PARPBP: variants seen among roughly 807,000 people sequenced by gnomAD.
PARPBP encodes PCNA-interacting partner.
A neutral mutation model predicts 50.0 loss-of-function variants in PARPBP; 52 were observed. That is an observed-to-expected ratio of 1.04 (90% CI 0.83 to 1.31). The LOEUF (loss-of-function observed/expected upper bound fraction) is 1.31, where lower values mean the gene tolerates loss of function less well. PARPBP is among the 50% of genes most tolerant of loss of function. The pLI is 0.00. For missense variants in PARPBP, 697 were observed against 672.0 expected (o/e 1.04, Z -0.41); for synonymous variants, 244 against 232.1 (o/e 1.05, Z -0.47).
intron 4 of PARPBP, among the ~76,000 whole-genome samples, chr12:102,161,930 G>T (rs1405900060): frequency 6.6e-6 from 1 of 152,080 alleles, no homozygotes. Flanking sequence ...CTTTCTCATG[G>T]TTAATCTTTA....
At chr12:102,155,127 C>T (rs1886699249) in intron 4 of PARPBP, 1 of 206,176 alleles carries the variant, frequency 4.9e-6, no homozygotes, top group African/African-American at 2.3e-5. Context: ...CTCACATGTA[C>T]TGATTGATGT....
intron 4 of PARPBP, among the ~76,000 whole-genome samples, chr12:102,162,060 T>C (rs1306410628): frequency 6.6e-6 from 1 of 152,200 alleles, no homozygotes; most frequent in African/African-American, 2.4e-5. Flanking sequence ...TCCTACTTTT[T>C]AATAATTGTT....
chr12:102,192,951 G>C (rs767668301), intron 9 of PARPBP, among the ~76,000 whole-genome samples: 10 of 151,644 alleles, frequency 6.6e-5, no homozygotes, highest in Admixed American at 1.3e-4. Flanking sequence ...GGGGAGTTCT[G>C]TTGTGTTTAT....
At chr12:102,184,046 G>GAAA (rs71438459) in intron 9 of PARPBP, among the ~76,000 whole-genome samples, 2,740 of 59,826 alleles carry the variant, frequency 0.046, 145 homozygotes, top group African/African-American at 0.1. Flanking sequence ...GACTCTATCT[G>GAAA]AAAAAAAAAA....
intron 9 of PARPBP, among the ~76,000 whole-genome samples, chr12:102,190,993 A>G (rs1828182511): frequency 6.6e-6 from 1 of 152,118 alleles, no homozygotes; most frequent in African/African-American, 2.4e-5. Flanking sequence ...AGAATGAAAA[A>G]GGAATGTTTG....
At chr12:102,164,635 T>G in intron 5 of PARPBP, 27 bp downstream of exon 5, 4 of 1,593,898 alleles carry the variant, frequency 2.5e-6, no homozygotes, top group Non-Finnish European at 3.4e-6. Context: ...TGTTCAAAAT[T>G]AAGACTCCTT....
At chr12:102,187,815 G>C (rs550095299) in intron 9 of PARPBP, among the ~76,000 whole-genome samples, 2 of 152,124 alleles carry the variant, frequency 1.3e-5, no homozygotes, top group Non-Finnish European at 2.9e-5. Context: ...CGTCATGGTA[G>C]AACACCATTC....
intron 6 of PARPBP, among the ~76,000 whole-genome samples, chr12:102,173,033 T>C (rs573969783): frequency 6.6e-6 from 1 of 152,278 alleles, no homozygotes; most frequent in Non-Finnish European, 1.5e-5. Flanking sequence ...TAATTAATAA[T>C]GTTGGATAGC....
chr12:102,122,906 G>A (rs900989691), intron 1 of PARPBP, among the ~76,000 whole-genome samples: 1 of 152,156 alleles, frequency 6.6e-6, no homozygotes, highest in Non-Finnish European at 1.5e-5. Context: ...CTAAATATTA[G>A]TTATTTTATT....
intron 1 of PARPBP, 55 bp from the exon 2 acceptor site, chr12:102,123,831 G>A: frequency 8.0e-7 from 1 of 1,251,626 alleles, no homozygotes; most frequent in Non-Finnish European, 1.1e-6. Flanking sequence ...CATGTTAAAT[G>A]TTAATTTCAG....
At chr12:102,140,854 G>A (rs1884475632) in intron 2 of PARPBP, among the ~76,000 whole-genome samples, 1 of 152,208 alleles carries the variant, frequency 6.6e-6, no homozygotes, top group African/African-American at 2.4e-5. Context: ...GAGACAGTCT[G>A]TTAGAATTTC....
intron 9 of PARPBP, among the ~76,000 whole-genome samples, chr12:102,190,826 G>A (rs1236671016): frequency 6.6e-6 from 1 of 152,106 alleles, no homozygotes; most frequent in East Asian, 1.9e-4. Context: ...TATATTTGAA[G>A]GTTATCAGTG....
intron 7 of PARPBP, among the ~76,000 whole-genome samples, chr12:102,177,984 T>TATTAGAAATA (rs1402360370): frequency 6.6e-6 from 1 of 152,246 alleles, no homozygotes; most frequent in Non-Finnish European, 1.5e-5. Flanking sequence ...CACTGCACTG[T>TATTAGAAATA]GCGTACACTT....
At chr12:102,149,746 C>G (rs1885933735) in intron 3 of PARPBP, among the ~76,000 whole-genome samples, 1 of 152,174 alleles carries the variant, frequency 6.6e-6, no homozygotes, top group South Asian at 2.1e-4. Context: ...ATTGAACTAT[C>G]ATAAAAACCT....
Position 102,196,939 on chromosome 12 carries a change from G to C in PARPBP, c.*648G>C. On this transcript the variant is annotated 3_prime_UTR_variant, in exon 11 of 11. Coordinates refer to ENST00000327680, the MANE Select transcript of PARPBP (RefSeq NM_017915.5). ...TCAGAGTTCTGTTTAATGGTGGTAGGATGTAAGAATTGAATTTTGAAAAGA... is the reference window on the plus strand; with the variant it reads ...TCAGAGTTCTGTTTAATGGTGGTAGCATGTAAGAATTGAATTTTGAAAAGA... The C allele has an allele frequency of 6.7e-7, 1 of 1,503,024 alleles. No individual in the cohort carries two copies. The highest frequency in any genetic ancestry group is 9.2e-7 in the Non-Finnish European group (1 of 1,081,508). 93.1% of individuals were successfully genotyped at this position (1,503,024 alleles called of 1,614,324 possible). A position where few individuals can be genotyped will look rare whatever the true frequency, so the allele number is the denominator to read the frequency against.
chr12:102,150,196 A>C, intron 3 of PARPBP: 1 of 454,578 alleles, frequency 2.2e-6, no homozygotes, highest in South Asian at 1.6e-5. Context: ...TACATGAAGT[A>C]GAAAATGTTC....
At chr12:102,175,701 A>T in intron 7 of PARPBP, 35 bp downstream of exon 7, 1 of 1,329,378 alleles carries the variant, frequency 7.5e-7, no homozygotes, top group East Asian at 2.3e-5. Context: ...ATCCTTTTAT[A>T]CAAATCATTA....
intron 1 of PARPBP, chr12:102,120,598 G>T: frequency 4.8e-6 from 2 of 416,294 alleles, no homozygotes; most frequent in South Asian, 3.3e-5. Context: ...CTATGTACAC[G>T]GACTCCAATT....
chr12:102,132,791 G>A (rs1180615910), intron 2 of PARPBP, among the ~76,000 whole-genome samples: 1 of 151,942 alleles, frequency 6.6e-6, no homozygotes, highest in South Asian at 2.1e-4. Context: ...CATCAATATG[G>A]GATAACTTTC....
Sources: allele counts gnomAD v4.1 joint callset (sites outside exome capture counted in the v4.1 genomes callset), GRCh38; gene constraint gnomAD v4.1.1; transcripts MANE v1.5; gene names NCBI Gene and HGNC (gene_info 2026-07-23, HGNC 2026-07-21).